The following DHCR24 variants were observed in gnomAD, a reference collection of about 807,000 sequenced individuals.
DHCR24 encodes delta(24)-sterol reductase.
Under a neutral mutation model 61.2 loss-of-function variants are expected in DHCR24, and 28 were observed. The ratio of observed to expected loss-of-function variants is 0.46; its 90% CI spans 0.34 to 0.63. DHCR24 has a LOEUF of 0.63. Among genes scored for constraint, DHCR24 ranks in the 20% least tolerant of loss-of-function variants. The pLI, the probability that DHCR24 is intolerant of heterozygous loss-of-function variation, is 0.01. For synonymous variants in DHCR24, 261 were observed against 275.9 expected (o/e 0.95, Z 0.54); for missense variants, 538 against 679.1 (o/e 0.79, Z 2.31).
At chr1:54,881,565 T>C (rs1047280123) in intron 2 of DHCR24, among the ~76,000 whole-genome samples, 2 of 152,172 alleles carry the variant, frequency 1.3e-5, no homozygotes, top group Admixed American at 6.5e-5. Flanking sequence ...TTCAACCATG[T>C]GGGAGACAGT....
chr1:54,884,720 C>G (rs1239008552), intron 1 of DHCR24, among the ~76,000 whole-genome samples: 2 of 152,182 alleles, frequency 1.3e-5, no homozygotes, highest in African/African-American at 4.8e-5. Context: ...GGGTACATGA[C>G]TGAGGACTGA....
rs1647106299 is a variant in DHCR24 at position 54,887,187 on chromosome 1, G to T, written c.-68C>A. 1.5e-6 allele frequency: 2 copies of T among 1,369,512 alleles called. No homozygotes were observed. Among genetic ancestry groups the T allele is most frequent in the Non-Finnish European group, 2.0e-6 (2 of 1,005,716 alleles). 84.8% of individuals were successfully genotyped at this position (1,369,512 alleles called of 1,614,324 possible). On this transcript the variant is annotated 5_prime_UTR_variant, in exon 1 of 9. Coordinates refer to ENST00000371269, the MANE Select transcript of DHCR24 (RefSeq NM_014762.4). Reference sequence around the variant, plus strand: ...GTCACTGCCGCCAGCTCCGCGCCTGGCCCGCTCTGCGCCTGTAGCCCACAG... The same window carrying T: ...GTCACTGCCGCCAGCTCCGCGCCTGTCCCGCTCTGCGCCTGTAGCCCACAG...
chr1:54,871,722 T>C, intron 4 of DHCR24, 109 bp from the exon 5 acceptor site: 1 of 1,450,348 alleles, frequency 6.9e-7, no homozygotes, highest in Non-Finnish European at 9.5e-7. Flanking sequence ...CTCACTCTCT[T>C]GTATAAACCC....
intron 6 of DHCR24, among the ~76,000 whole-genome samples, chr1:54,855,512 C>T (rs942702805): frequency 3.9e-5 from 6 of 152,252 alleles, no homozygotes; most frequent in African/African-American, 1.2e-4. Flanking sequence ...CACCCACAAC[C>T]GCAGGTGTGG....
At chr1:54,866,174 G>C (rs753785503) in intron 5 of DHCR24, among the ~76,000 whole-genome samples, 21 of 152,080 alleles carry the variant, frequency 1.4e-4, no homozygotes, top group Non-Finnish European at 3.1e-4. Flanking sequence ...GGAGAGGCAG[G>C]GGGGATCCTG....
At chr1:54,862,127 C>T (rs1646941388) in intron 6 of DHCR24, among the ~76,000 whole-genome samples, 1 of 152,182 alleles carries the variant, frequency 6.6e-6, no homozygotes. Flanking sequence ...TATACCCTCT[C>T]TTCTGCATTG....
chr1:54,875,955 A>C lies in DHCR24; in HGVS notation c.480T>G (p.Asp160Glu). 1 of 1,613,926 alleles carries C rather than the reference A, an allele frequency of 6.2e-7. No individual in the cohort carries two copies. Among genetic ancestry groups the C allele is most frequent in the Non-Finnish European group, 8.5e-7 (1 of 1,179,836 alleles). Residue 160 changes from aspartate to glutamate, a missense_variant, in exon 3 of 9, where the codon GAT (aspartate) becomes GAG (glutamate). Transcript: ENST00000371269. ...GWTLPVLPEL[D>E]DLTVGGLIMG... ...TAGGGTCCTCACCCACTGTGAGGTC[A>C]TCAAGCTCAGGCAACACGGGGAGAG...
intron 2 of DHCR24, among the ~76,000 whole-genome samples, chr1:54,877,126 C>G (rs545443711): frequency 6.6e-6 from 1 of 151,792 alleles, no homozygotes; most frequent in Non-Finnish European, 1.5e-5. Flanking sequence ...GAATAGAATG[C>G]GGAAGCAGGT....
At chr1:54,885,150 C>A (rs577906930) in intron 1 of DHCR24, among the ~76,000 whole-genome samples, 9 of 152,282 alleles carry the variant, frequency 5.9e-5, no homozygotes, top group Admixed American at 4.6e-4. Context: ...CAGCTCAACA[C>A]GGGGAAGGAC....
At chr1:54,852,509 C>G in intron 8 of DHCR24, 123 bp from the exon 9 acceptor site, 1 of 1,079,040 alleles carries the variant, frequency 9.3e-7, no homozygotes, top group Non-Finnish European at 1.4e-6. Context: ...TTGTTTAACC[C>G]CGTTAACCTG....
chr1:54,863,408 G>C (rs1646949613), intron 6 of DHCR24, among the ~76,000 whole-genome samples: 1 of 152,190 alleles, frequency 6.6e-6, no homozygotes, highest in Non-Finnish European at 1.5e-5. Flanking sequence ...TAACCTACAA[G>C]GAGCCATATG....
intron 2 of DHCR24, 151 bp from the exon 3 acceptor site, chr1:54,876,198 C>A: frequency 2.9e-6 from 2 of 687,898 alleles, no homozygotes; most frequent in Non-Finnish European, 2.6e-6. Context: ...TAGAACATTG[C>A]CTTTAATTAC....
rs74651828 is a variant in DHCR24, at chr1:54,873,733, T to C, written c.612+1360A>G. Among the ~76,000 whole-genome samples the C allele has an allele frequency of 3.9e-3, 589 of 152,328 alleles. 3 individuals carry two copies. Among genetic ancestry groups the C allele is most frequent in the African/African-American group, 0.013 (539 of 41,568 alleles). On this transcript the variant is annotated intron_variant, in intron 4 of 8. Transcript: ENST00000371269. ...GGCGTAATCACGGCTCACTGCAATC[T>C]CTGCCTCCCAGGCTCAAGTGATCCT...
chr1:54,883,578 C>T lies in DHCR24; in HGVS notation c.387+40G>A. On this transcript the variant is annotated intron_variant, in intron 2 of 8. Transcript: ENST00000371269. The surrounding 1 kb of genome is among the most constrained non-coding windows in gnomAD (Gnocchi z 4.3). ...TGAGTCACTTGCACCAGGGGCAGTG[C>T]CCCACCTGCTCCCAGAGCCCGGAAA... 1.9e-6 allele frequency: 3 copies of T among 1,613,398 alleles called. No homozygotes were observed. The highest frequency in any genetic ancestry group is 2.5e-6 in the Non-Finnish European group (3 of 1,179,494).
rs572394323 is a variant in DHCR24 at position 54,879,181 on chromosome 1, C to T, written c.388-3134G>A. 5.9e-4 allele frequency among the ~76,000 whole-genome samples: 89 copies of T among 151,912 alleles called. 1 individual carries two copies. Among genetic ancestry groups the T allele is most frequent in the Non-Finnish European group, 1.8e-4 (12 of 67,934 alleles). On this transcript the variant is annotated intron_variant, in intron 2 of 8. Transcript: ENST00000371269. ...AAAATACAAAAAAATTAGCCAGGCG[C>T]GGTGGTGCGCATCTGTAATCCCAGC...
Position 54,875,154 on chromosome 1 carries a change from T to C in DHCR24, c.551A>G (p.Gln184Arg). The change falls in exon 4 of 9, where the codon CAA becomes CGA. Residue 184 changes from glutamine (Q) to arginine (R), a missense_variant. Transcript: ENST00000371269. ...ESSSHKYGLF[Q>R]HICTAYELVL... ...CAGCTCGTAAGCAGTGCAGATGTGT[T>C]GGAACAGGCCGTACTTGTGGGATGA... 6.2e-7 allele frequency: 1 copy of C among 1,614,160 alleles called. No individual in the cohort carries two copies. The highest frequency in any genetic ancestry group is 2.2e-5 in the East Asian group (1 of 44,872).
At position 54,886,541 on chromosome 1, in the gene DHCR24, C is replaced by A. The variant is rs1385865522; in HGVS notation, c.231+348G>T. ...CACCTTCCCCCAATCATTTCCCATA[C>A]TTCCCAATCTCTAGACCCAGCTCCA... On this transcript the variant is annotated intron_variant, in intron 1 of 8. Coordinates refer to ENST00000371269, the MANE Select transcript of DHCR24 (RefSeq NM_014762.4). 4.0e-6 allele frequency: 5 copies of A among 1,244,350 alleles called. No homozygotes were observed. In the African/African-American group the frequency reaches 6.1e-5, roughly 15 times the overall value. The allele number at this position is 1,244,350 out of a possible 1,614,324, so 77.1% of individuals were successfully genotyped here. A position where few individuals can be genotyped will look rare whatever the true frequency, so the allele number is the denominator to read the frequency against.
intron 3 of DHCR24, 116 bp downstream of exon 3, chr1:54,875,826 T>C (rs1451522620): frequency 1.2e-6 from 1 of 814,846 alleles, no homozygotes; most frequent in Non-Finnish European, 2.1e-6. Context: ...ACTGAATGAC[T>C]TCTGTCACAG....
At chr1:54,852,418 A>G (rs781185418) in intron 8 of DHCR24, 32 bp from the exon 9 acceptor site, 9 of 1,613,052 alleles carry the variant, frequency 5.6e-6, no homozygotes, top group African/African-American at 1.3e-5. Flanking sequence ...TGAGGACGCC[A>G]GGAGGCACAC....
Sources: gnomAD v4.1 joint callset for allele counts (sites outside exome capture counted in the v4.1 genomes callset) on GRCh38, gnomAD v4.1.1 for gene constraint, Gnocchi (gnomAD v3.1) non-coding constraint, MANE v1.5 for transcripts, NCBI Gene and HGNC (gene_info 2026-07-23, HGNC 2026-07-21) for gene names.